The following GLI2 variants were observed in gnomAD, a reference collection of about 807,000 sequenced individuals.
GLI2 encodes the protein GLI family zinc finger 2, also known as transcription activator GLI2.
In GLI2, 22 loss-of-function variants were observed where a neutral mutation model predicts 78.9. The observed-to-expected ratio is 0.28, with a 90% CI of 0.20 to 0.40. GLI2 has a LOEUF of 0.40. GLI2 is among the 10% of genes least tolerant of loss of function. The pLI is 1.00. For missense variants in GLI2, 2,097 were observed against 2,213.2 expected (o/e 0.95, Z 1.05); for synonymous variants, 974 against 963.7 (o/e 1.01, Z -0.20).
chr2:120,853,567 T>G (rs561951029), intron 2 of GLI2, among the ~76,000 whole-genome samples: 15 of 152,324 alleles, frequency 9.8e-5, no homozygotes, highest in African/African-American at 3.4e-4. Context: ...CTGTTGTTTT[T>G]CTAAGTCACT....
At chr2:120,908,457 G>C (rs1272509578) in intron 2 of GLI2, among the ~76,000 whole-genome samples, 2 of 152,152 alleles carry the variant, frequency 1.3e-5, no homozygotes, top group African/African-American at 2.4e-5. Context: ...TCTGCTTCCC[G>C]TGCAGACTCA....
At position 120,905,075 on chromosome 2, in the gene GLI2, C is replaced by T. The variant is rs755429487; in HGVS notation, c.149-22286C>T. Among the ~76,000 whole-genome samples, 84 of 152,224 alleles carry T rather than the reference C, an allele frequency of 5.5e-4. 1 individual carries two copies. The highest frequency in any genetic ancestry group is 8.8e-4 in the Non-Finnish European group (60 of 68,046). On this transcript the variant is annotated intron_variant, in intron 2 of 13. Transcript: ENST00000361492. ...TGGTACCGACACAGGGCACTTATCT[C>T]ATAAAAATATCCTCCAGTGTCAAAA... is the stretch of plus-strand genomic sequence containing the variant.
intron 2 of GLI2, among the ~76,000 whole-genome samples, chr2:120,883,675 A>G (rs1266110971): frequency 2.0e-5 from 3 of 152,230 alleles, no homozygotes; most frequent in Non-Finnish European, 4.4e-5. Flanking sequence ...CGAGGCTCAG[A>G]GAAGTGTAAT....
In GLI2 at chr2:120,762,901, G is replaced by A. The variant is rs116394911; in HGVS notation, c.-31+26616G>A. Among the ~76,000 whole-genome samples, 997 of 152,346 alleles carry A rather than the reference G, an allele frequency of 6.5e-3. 9 individuals carry two copies. The highest frequency in any genetic ancestry group is 0.011 in the Non-Finnish European group (724 of 68,030). On this transcript the variant is annotated intron_variant, in intron 1 of 13. Coordinates refer to ENST00000361492, the MANE Select transcript of GLI2 (RefSeq NM_001374353.1). ...GAGCTGAGTGTTGTGAAGTTTCGGCGCTGAAGGGATCCGAGGAGGAAAGGC... is the reference window on the plus strand; with the variant it reads ...GAGCTGAGTGTTGTGAAGTTTCGGCACTGAAGGGATCCGAGGAGGAAAGGC...
At chr2:120,921,754 CA>C (rs1313915910) in intron 2 of GLI2, among the ~76,000 whole-genome samples, 1 of 152,172 alleles carries the variant, frequency 6.6e-6, no homozygotes, top group Non-Finnish European at 1.5e-5. Context: ...CAGGACTTCC[CA>C]GGGGCTTCCC....
intron 1 of GLI2, among the ~76,000 whole-genome samples, chr2:120,747,193 T>A (rs770192054): frequency 5.3e-5 from 8 of 152,238 alleles, no homozygotes; most frequent in South Asian, 4.1e-4. Flanking sequence ...TCCAGCAGTA[T>A]GTACCTAGCT....
intron 2 of GLI2, among the ~76,000 whole-genome samples, chr2:120,814,793 C>T (rs1223146605): frequency 2.8e-5 from 4 of 142,730 alleles, no homozygotes; most frequent in South Asian, 2.6e-4. Flanking sequence ...CCCCACCCCC[C>T]GCCCCCGCTG....
intron 10 of GLI2, among the ~76,000 whole-genome samples, chr2:120,980,884 A>T (rs1682688384): frequency 6.8e-6 from 1 of 146,704 alleles, no homozygotes; most frequent in Non-Finnish European, 1.5e-5. Context: ...TTTGGAGTTA[A>T]TTTTTTTTTT....
At chr2:120,750,617 G>A (rs886651588) in intron 1 of GLI2, among the ~76,000 whole-genome samples, 26 of 152,222 alleles carry the variant, frequency 1.7e-4, no homozygotes, top group African/African-American at 5.5e-4. Flanking sequence ...GTGTGGGCAC[G>A]ATATATTTGG....
chr2:120,780,074 T>C (rs1044595328), intron 1 of GLI2, among the ~76,000 whole-genome samples: 7 of 152,164 alleles, frequency 4.6e-5, no homozygotes, highest in Non-Finnish European at 8.8e-5. Context: ...TTTTTTTTTT[T>C]TCTTCATGGC....
chr2:120,984,757 G>A lies in GLI2; in HGVS notation c.1905+14G>A, dbSNP rs765801071. ...GAGAGCTCCGGGGTAAGCGGAGCTG[G>A]GCAGCCCAGCCACGCAAGGCGACTC... On this transcript the variant is annotated intron_variant, in intron 12 of 13. Coordinates refer to ENST00000361492, the MANE Select transcript of GLI2 (RefSeq NM_001374353.1). 1 of 1,611,108 alleles carries A rather than the reference G, an allele frequency of 6.2e-7. No individual in the cohort carries two copies. The highest frequency in any genetic ancestry group is 1.1e-5 in the South Asian group (1 of 91,030).
intron 2 of GLI2, among the ~76,000 whole-genome samples, chr2:120,832,430 G>C (rs1270826774): frequency 1.3e-5 from 2 of 152,178 alleles, no homozygotes; most frequent in African/African-American, 4.8e-5. Flanking sequence ...CTGGGGCTGA[G>C]GCCCAGGCTG....
chr2:120,803,899 A>C (rs1053484606), intron 2 of GLI2, among the ~76,000 whole-genome samples: 2 of 151,958 alleles, frequency 1.3e-5, no homozygotes, highest in Admixed American at 6.6e-5. Flanking sequence ...TCAGGGGGGG[A>C]GACTACGGTT....
Position 120,740,828 on chromosome 2 carries a change from G to A in GLI2, c.-31+4543G>A, listed in dbSNP as rs897073092. 1.8e-4 allele frequency among the ~76,000 whole-genome samples: 28 copies of A among 152,310 alleles called. No homozygotes were observed. In the East Asian group the frequency reaches 5.2e-3, roughly 28 times the overall value. On this transcript the variant is annotated intron_variant, in intron 1 of 13. Transcript: ENST00000361492. Reference sequence around the variant, plus strand: ...GGGATTGGGATTGATTCCCTCTTTGGGCAGCCGAGGGCCCCAGGCCTCCTG... The same window carrying A: ...GGGATTGGGATTGATTCCCTCTTTGAGCAGCCGAGGGCCCCAGGCCTCCTG...
chr2:120,869,913 A>G (rs1226978415), intron 2 of GLI2, among the ~76,000 whole-genome samples: 1 of 152,108 alleles, frequency 6.6e-6, no homozygotes, highest in African/African-American at 2.4e-5. Flanking sequence ...GACTGTCCAG[A>G]GGGCTCTGCA....
At chr2:120,739,143 C>T (rs556021142) in intron 1 of GLI2, among the ~76,000 whole-genome samples, 53 of 152,292 alleles carry the variant, frequency 3.5e-4, no homozygotes, top group Non-Finnish European at 2.6e-4. Flanking sequence ...AAATACTTCA[C>T]GCTTTTTGTA....
At chr2:120,891,550 C>T (rs1170980048) in intron 2 of GLI2, among the ~76,000 whole-genome samples, 3 of 152,104 alleles carry the variant, frequency 2.0e-5, no homozygotes, top group Non-Finnish European at 4.4e-5. Flanking sequence ...AACGGGCGTA[C>T]AGAATGTGAT....
At chr2:120,781,610 C>T (rs190558707) in intron 1 of GLI2, among the ~76,000 whole-genome samples, 2 of 151,324 alleles carry the variant, frequency 1.3e-5, no homozygotes, top group East Asian at 1.9e-4. Context: ...CGGCCAGGTG[C>T]GGTGGCTTAC....
At position 120,837,132 on chromosome 2, in the gene GLI2, C is replaced by T. The variant is rs183743290; in HGVS notation, c.148+39664C>T. ...ATCTTAGGCCGGGCGCGGTGGCTCA[C>T]GCCTGTAATCCCAGCACTTTGGGAG... On this transcript the variant is annotated intron_variant, in intron 2 of 13. Transcript: ENST00000361492. 5.1e-3 allele frequency among the ~76,000 whole-genome samples: 779 copies of T among 152,254 alleles called. 8 individuals are homozygous for T. Among genetic ancestry groups the T allele is most frequent in the African/African-American group, 0.018 (741 of 41,544 alleles).
Sources: allele counts gnomAD v4.1 joint callset (sites outside exome capture counted in the v4.1 genomes callset), GRCh38; gene constraint gnomAD v4.1.1; transcripts MANE v1.5; gene names NCBI Gene and HGNC (gene_info 2026-07-23, HGNC 2026-07-21).